Variants in MET observed in about 807,000 individuals in gnomAD.
MET encodes hepatocyte growth factor receptor.
A neutral mutation model predicts 133.1 loss-of-function variants in MET; 48 were observed. The observed-to-expected ratio is 0.36, with a 90% CI of 0.29 to 0.46. MET has a LOEUF of 0.46. Among genes scored for constraint, MET ranks in the 20% least tolerant of loss-of-function variants. The pLI is 1.00. For synonymous variants in MET, 628 were observed against 616.5 expected (o/e 1.02, Z -0.28); for missense variants, 1,442 against 1,695.9 (o/e 0.85, Z 2.63).
intron 1 of MET, among the ~76,000 whole-genome samples, chr7:116,686,572 A>T (rs1314580840): frequency 3.3e-5 from 5 of 152,194 alleles, no homozygotes; most frequent in Non-Finnish European, 4.4e-5. Context: ...GGTTTTGTTT[A>T]CTGATGTATC....
At chr7:116,763,376 C>A (rs766399523) in intron 11 of MET, 108 bp downstream of exon 11, 5 of 956,504 alleles carry the variant, frequency 5.2e-6, no homozygotes, top group Non-Finnish European at 8.2e-6. Flanking sequence ...TATACAACAC[C>A]AGCAAATATA....
chr7:116,681,821 G>A (rs1796371215), intron 1 of MET, among the ~76,000 whole-genome samples: 1 of 152,102 alleles, frequency 6.6e-6, no homozygotes, highest in Non-Finnish European at 1.5e-5. Context: ...TTAGGACCTA[G>A]GCAAACCTTT....
chr7:116,767,254 G>A (rs998442672), intron 11 of MET, among the ~76,000 whole-genome samples: 5 of 152,136 alleles, frequency 3.3e-5, no homozygotes, highest in South Asian at 2.1e-4. Context: ...ATGAGTCCCC[G>A]GGTGTGAATA....
At chr7:116,699,049 C>T (rs774186517) in intron 1 of MET, 22 bp from the exon 2 acceptor site, 7 of 1,613,400 alleles carry the variant, frequency 4.3e-6, no homozygotes, top group East Asian at 4.5e-5. Flanking sequence ...GAACTGCTCT[C>T]GCCTTGAACC....
rs754047456 is a variant in MET at position 116,769,634 on chromosome 7, T to C, written c.2584-11T>C. ...AGTGTTAACAACCTTTTTTTTTTTTTTTCCTTTCAGGGAAATGATATTGAC... is the reference window on the plus strand; with the variant it reads ...AGTGTTAACAACCTTTTTTTTTTTTCTTCCTTTCAGGGAAATGATATTGAC... On this transcript the variant is annotated splice_polypyrimidine_tract_variant and intron_variant, in intron 11 of 20. Coordinates refer to ENST00000397752, the MANE Select transcript of MET (RefSeq NM_000245.4). 3 of 1,612,794 alleles carry C rather than the reference T, an allele frequency of 1.9e-6. No individual in the cohort carries two copies. In the South Asian group the frequency reaches 3.3e-5, roughly 18 times the overall value.
intron 1 of MET, among the ~76,000 whole-genome samples, chr7:116,676,552 T>C (rs1289689030): frequency 6.6e-6 from 1 of 152,192 alleles, no homozygotes; most frequent in African/African-American, 2.4e-5. Flanking sequence ...TGAAATGTGT[T>C]GTATGTCAGG....
At chr7:116,755,541 G>C (rs2116911484) in intron 6 of MET, 26 bp downstream of exon 6, 3 of 1,613,704 alleles carry the variant, frequency 1.9e-6, no homozygotes, top group Non-Finnish European at 2.5e-6. Context: ...TGCTTTGCTG[G>C]GGTGTGCTTG....
chr7:116,750,868 G>A (rs1793891573), intron 5 of MET, among the ~76,000 whole-genome samples: 1 of 152,188 alleles, frequency 6.6e-6, no homozygotes, highest in Non-Finnish European at 1.5e-5. Flanking sequence ...AAACCACAAT[G>A]AGATCCCATC....
chr7:116,766,175 A>G (rs1794621630), intron 11 of MET, among the ~76,000 whole-genome samples: 1 of 152,220 alleles, frequency 6.6e-6, no homozygotes, highest in Admixed American at 6.5e-5. Flanking sequence ...GCATGAGCAT[A>G]TCTTATGAAA....
At chr7:116,785,991 A>C (rs1795301506) in intron 19 of MET, among the ~76,000 whole-genome samples, 2 of 152,226 alleles carry the variant, frequency 1.3e-5, no homozygotes, top group African/African-American at 4.8e-5. Context: ...ACTTGTAAAA[A>C]ATGTATTATT....
Position 116,701,857 on chromosome 7 carries a change from A to G in MET, c.1200+1573A>G, listed in dbSNP as rs368589212. Among the ~76,000 whole-genome samples the G allele has an allele frequency of 3.0e-3, 452 of 152,282 alleles. 28 individuals carry two copies. The South Asian group carries it at 0.087, about 29-fold the overall frequency. ...TGAGACACAAGTTTTAAAAGAGTCT[A>G]TTAGGAATTCCTCCAGGGCTCCTAG... On this transcript the variant is annotated intron_variant, in intron 2 of 20. Transcript: ENST00000397752.
intron 5 of MET, among the ~76,000 whole-genome samples, chr7:116,754,263 C>A (rs1293974802): frequency 6.6e-6 from 1 of 152,164 alleles, no homozygotes. Flanking sequence ...CACTGGATAC[C>A]AAATGAGGTA....
chr7:116,797,038 T>C lies in MET; in HGVS notation c.*914T>C. On this transcript the variant is annotated 3_prime_UTR_variant, in exon 21 of 21. Coordinates refer to ENST00000397752, the MANE Select transcript of MET (RefSeq NM_000245.4). Reference sequence around the variant, plus strand: ...ATAAATGAACAGGATGTAATGTACATAGATGACATTAAGAAAATTTGTATG... The same window carrying C: ...ATAAATGAACAGGATGTAATGTACACAGATGACATTAAGAAAATTTGTATG... 5.4e-6 allele frequency: 1 copy of C among 186,862 alleles called. No individual in the cohort carries two copies. The highest frequency in any genetic ancestry group is 2.0e-4 in the South Asian group (1 of 5,106). 11.6% of individuals were successfully genotyped at this position (186,862 alleles called of 1,614,324 possible).
chr7:116,735,587 C>A (rs767803237), intron 3 of MET, among the ~76,000 whole-genome samples: 1 of 152,088 alleles, frequency 6.6e-6, no homozygotes, highest in Non-Finnish European at 1.5e-5. Context: ...AGATGCAGAT[C>A]CCCAATTCGT....
At position 116,758,614 on chromosome 7, in the gene MET, T is replaced by G; in HGVS notation, c.2258T>G (p.Phe753Cys). 2 of 1,613,502 alleles carry G rather than the reference T, an allele frequency of 1.2e-6. No homozygotes were observed. Among genetic ancestry groups the G allele is most frequent in the Non-Finnish European group, 1.7e-6 (2 of 1,179,670 alleles). ...TATGAAATTCATCCAACCAAATCTT[T>G]TATTAGGTAAGTAGAAGCTTCTGAT... ...IVYEIHPTKS[F>C]ISGGSTITGV... Residue 753 changes from phenylalanine to cysteine, a missense_variant, in exon 9 of 21, where the codon TTT becomes TGT. Phe to Cys is a radical substitution (Grantham distance 205). Coordinates refer to ENST00000397752, the MANE Select transcript of MET (RefSeq NM_000245.4).
At chr7:116,765,876 G>T (rs1794608669) in intron 11 of MET, among the ~76,000 whole-genome samples, 1 of 152,116 alleles carries the variant, frequency 6.6e-6, no homozygotes, top group African/African-American at 2.4e-5. Flanking sequence ...GATTTGTCTT[G>T]GGTCACCCAG....
intron 5 of MET, among the ~76,000 whole-genome samples, chr7:116,754,956 A>C (rs61651280): frequency 7.2e-6 from 1 of 139,394 alleles, no homozygotes; most frequent in Admixed American, 7.6e-5. Flanking sequence ...AGAAAGAGAA[A>C]GAAAGAGAAG....
rs750337451 is a variant in MET at position 116,795,698 on chromosome 7, C to G, written c.3842C>G (p.Ala1281Gly). ...CTCTGGGAGCTGATGACAAGAGGAG[C>G]CCCACCTTATCCTGACGTAAACACC... Reference protein sequence around the residue: ...VLLWELMTRGAPPYPDVNTFD... With the variant: ...VLLWELMTRGGPPYPDVNTFD... The change falls in exon 20 of 21, where the codon GCC becomes GGC. Residue 1281 changes from alanine (A) to glycine (G), a missense_variant. Around this residue, in one of 6 missense-constraint regions of MET, gnomAD observed 32 missense variants for 72.4 expected, o/e 0.44. Transcript: ENST00000397752. The G allele has an allele frequency of 4.3e-6, 7 of 1,613,934 alleles. No individual in the cohort carries two copies. The African/African-American group carries it at 9.3e-5, about 22-fold the overall frequency.
rs1458827441 is a variant in MET at position 116,740,006 on chromosome 7, C to T, written c.1449C>T (p.Ser483=). The change falls in exon 4 of 21, where the codon TCC becomes TCT. Residue 483 remains serine (S), a synonymous_variant. Coordinates refer to ENST00000397752, the MANE Select transcript of MET (RefSeq NM_000245.4). ...CTCATGTGAATTTTCTCCTGGACTC[C>T]CATCCAGTGTCTCCAGAAGTGATTG... The part of the protein sequence containing the change: ...STPHVNFLLD[S]HPVSPEVIVE... The T allele has an allele frequency of 1.2e-6, 2 of 1,614,088 alleles. No individual in the cohort carries two copies. Among genetic ancestry groups the T allele is most frequent in the Admixed American group, 3.3e-5 (2 of 60,018 alleles).
Sources: allele counts gnomAD v4.1 joint callset (sites outside exome capture counted in the v4.1 genomes callset), GRCh38; gene constraint gnomAD v4.1.1; regional missense constraint gnomAD v4.1.1; transcripts MANE v1.5; gene names NCBI Gene and HGNC (gene_info 2026-07-23, HGNC 2026-07-21).